ATP9A: variants seen among roughly 807,000 people sequenced by gnomAD.
The protein encoded by ATP9A is probable phospholipid-transporting ATPase IIA.
Under a neutral mutation model 144.1 loss-of-function variants are expected in ATP9A, and 52 were observed. The observed-to-expected ratio is 0.36, with a 90% CI of 0.29 to 0.45. The LOEUF (loss-of-function observed/expected upper bound fraction) is 0.45, where lower values mean the gene tolerates loss of function less well. Among genes scored for constraint, ATP9A ranks in the 20% least tolerant of loss-of-function variants. The pLI is 1.00. For missense variants in ATP9A, 947 were observed against 1,392.7 expected (o/e 0.68, Z 5.09); for synonymous variants, 582 against 557.4 (o/e 1.04, Z -0.62).
At chr20:51,680,552 C>T (rs1270716914) in intron 9 of ATP9A, among the ~76,000 whole-genome samples, 1 of 152,174 alleles carries the variant, frequency 6.6e-6, no homozygotes, top group African/African-American at 2.4e-5. Flanking sequence ...CCATGGCAAC[C>T]ACATCTTCTA....
chr20:51,607,604 A>G lies in ATP9A; in HGVS notation c.2746-20T>C, dbSNP rs2077168457. The G allele has an allele frequency of 6.2e-7, 1 of 1,604,968 alleles. No homozygotes were observed. ...CCGTCCCTGAATGAGAGACAGAGAA[A>G]GGTTAGAGCCGGTTTCGCGGGGGGC... On this transcript the variant is annotated intron_variant, in intron 25 of 27. Transcript: ENST00000338821.
intron 24 of ATP9A, 76 bp from the exon 25 acceptor site, chr20:51,608,702 C>G: frequency 2.3e-6 from 2 of 884,250 alleles, no homozygotes. Context: ...CTCCGGCACC[C>G]AAGTCCCAAC....
intron 1 of ATP9A, among the ~76,000 whole-genome samples, chr20:51,746,622 G>C (rs776271161): frequency 6.6e-6 from 1 of 152,182 alleles, no homozygotes; most frequent in African/African-American, 2.4e-5. Flanking sequence ...GGCAGATCAC[G>C]AGGTCAGGAG....
chr20:51,730,103 T>G, intron 1 of ATP9A, 125 bp from the exon 2 acceptor site: 7 of 1,066,780 alleles, frequency 6.6e-6, no homozygotes, highest in Non-Finnish European at 8.7e-6. Context: ...ACAGCCATAT[T>G]TGAGGCTTCA....
At chr20:51,604,025 C>T (rs1470978037) in intron 27 of ATP9A, among the ~76,000 whole-genome samples, 2 of 152,110 alleles carry the variant, frequency 1.3e-5, no homozygotes, top group Non-Finnish European at 2.9e-5. Flanking sequence ...GTGATCCACC[C>T]GCCTCTGCCT....
chr20:51,648,275 C>T (rs1294040251), intron 14 of ATP9A, among the ~76,000 whole-genome samples: 5 of 152,304 alleles, frequency 3.3e-5, no homozygotes, highest in African/African-American at 1.2e-4. Flanking sequence ...GCGAGATTGC[C>T]TGCCCTCCCC....
intron 24 of ATP9A, among the ~76,000 whole-genome samples, 181 bp downstream of exon 24, chr20:51,609,920 C>T (rs1879996240): frequency 6.6e-6 from 1 of 152,224 alleles, no homozygotes; most frequent in Admixed American, 6.5e-5. Flanking sequence ...AAGGGCTTAA[C>T]AGCTCAAAAC....
intron 3 of ATP9A, among the ~76,000 whole-genome samples, chr20:51,722,370 C>T (rs778147365): frequency 6.6e-6 from 1 of 152,174 alleles, no homozygotes; most frequent in Non-Finnish European, 1.5e-5. Context: ...AGAGCTTTTA[C>T]ACGGCAAGAG....
chr20:51,744,931 A>T (rs2077801174), intron 1 of ATP9A, among the ~76,000 whole-genome samples: 1 of 152,104 alleles, frequency 6.6e-6, no homozygotes, highest in South Asian at 2.1e-4. Flanking sequence ...GGAGTTCGAG[A>T]CCAGCCTGGC....
At chr20:51,682,393 A>G (rs1024891303) in intron 9 of ATP9A, among the ~76,000 whole-genome samples, 1 of 151,980 alleles carries the variant, frequency 6.6e-6, no homozygotes, top group Non-Finnish European at 1.5e-5. Context: ...GCTGTCTAGT[A>G]AGGAGATGAG....
At chr20:51,645,428 G>A (rs1391927488) in intron 14 of ATP9A, among the ~76,000 whole-genome samples, 2 of 152,168 alleles carry the variant, frequency 1.3e-5, no homozygotes, top group Non-Finnish European at 2.9e-5. Context: ...GCTGAGGCAG[G>A]AGAATGGCGT....
At chr20:51,644,346 C>T (rs911368674) in intron 14 of ATP9A, among the ~76,000 whole-genome samples, 1 of 139,408 alleles carries the variant, frequency 7.2e-6, no homozygotes, top group Non-Finnish European at 1.5e-5. Context: ...GATCTCGGCT[C>T]ACTGCAAACT....
At chr20:51,762,989 G>A (rs6123081) in intron 1 of ATP9A, among the ~76,000 whole-genome samples, 32,261 of 151,834 alleles carry the variant, frequency 0.21, 3,715 homozygotes, top group East Asian at 0.39. Context: ...CAAAGTGCTG[G>A]GATTACAGGT....
chr20:51,744,542 T>C (rs529538716), intron 1 of ATP9A, among the ~76,000 whole-genome samples: 2 of 152,236 alleles, frequency 1.3e-5, no homozygotes, highest in Admixed American at 6.5e-5. Flanking sequence ...TAACAGCAGA[T>C]AGTCTGCTAA....
chr20:51,695,965 A>C (rs1417425834), intron 6 of ATP9A, 128 bp downstream of exon 6: 1 of 801,528 alleles, frequency 1.2e-6, no homozygotes, highest in Non-Finnish European at 2.0e-6. Flanking sequence ...CTATTTAAAA[A>C]GATGCTTTTG....
intron 14 of ATP9A, among the ~76,000 whole-genome samples, chr20:51,652,716 T>C (rs977512619): frequency 2.0e-5 from 3 of 152,214 alleles, no homozygotes; most frequent in African/African-American, 7.2e-5. Flanking sequence ...TTTAGTAAGA[T>C]TATGGGCTAC....
chr20:51,765,555 T>A (rs1369166221), intron 1 of ATP9A, among the ~76,000 whole-genome samples: 5 of 146,454 alleles, frequency 3.4e-5, no homozygotes, highest in Non-Finnish European at 7.4e-5. Flanking sequence ...GGAGGCTGAT[T>A]CAAGGAGAAT....
rs2077301476 is a variant in ATP9A, at chr20:51,638,076, TATATATATATATA to T, written c.1668+1254_1668+1266del. On this transcript the variant is annotated intron_variant, in intron 15 of 27. Transcript: ENST00000338821. Reference sequence around the variant, plus strand: ...CTAAGTAGCATTTCATCATTTTATATATATATATATATATATATATATATATATATATATATAT... The same window carrying T: ...CTAAGTAGCATTTCATCATTTTATATTATATATATATATATATATATATAT... Among the ~76,000 whole-genome samples, 10 of 13,738 alleles carry T rather than the reference TATATATATATATA, an allele frequency of 7.3e-4. 1 individual carries two copies. Among genetic ancestry groups the T allele is most frequent in the East Asian group, 7.4e-3 (1 of 136 alleles). The allele number at this position is 13,738 out of a possible 152,430, so 9.0% of individuals were successfully genotyped here. A position where few individuals can be genotyped will look rare whatever the true frequency, so the allele number is the denominator to read the frequency against.
chr20:51,715,211 G>C (rs550565576), intron 3 of ATP9A, among the ~76,000 whole-genome samples: 2 of 152,272 alleles, frequency 1.3e-5, no homozygotes, highest in South Asian at 4.1e-4. Flanking sequence ...TCTATCCAGA[G>C]ATGTGCTGCT....
Sources: allele counts gnomAD v4.1 joint callset (sites outside exome capture counted in the v4.1 genomes callset), GRCh38; gene constraint gnomAD v4.1.1; transcripts MANE v1.5; gene names NCBI Gene and HGNC (gene_info 2026-07-23, HGNC 2026-07-21).